Variants in DLGAP2 observed in about 807,000 individuals in gnomAD.
The protein encoded by DLGAP2 is DLG associated protein 2.
Under a neutral mutation model 100.3 loss-of-function variants are expected in DLGAP2, and 26 were observed. The ratio of observed to expected loss-of-function variants is 0.26; its 90% CI spans 0.19 to 0.36. The LOEUF is 0.36. Ranked by LOEUF, DLGAP2 falls within the 10% of genes least tolerant of loss-of-function variation. The pLI is 1.00. For missense variants in DLGAP2, 1,858 were observed against 1,453.2 expected, an observed-to-expected ratio of 1.28 and a Z score of -4.53; for synonymous variants, 886 against 630.1, an observed-to-expected ratio of 1.41 and a Z score of -6.08.
chr8:1,063,449 A>C lies in DLGAP2; in HGVS notation c.73+155483A>C, dbSNP rs532098907. The stretch of plus-strand genomic sequence containing the variant: ...TGTAACAAGTGACGGGCACCTGTGC[A>C]ATCCACAAGACGATGGTCCAGTGTG... On this transcript the variant is annotated intron_variant, in intron 2 of 14. Transcript: ENST00000637795. Among the ~76,000 whole-genome samples the C allele has an allele frequency of 2.6e-5, 4 of 151,858 alleles. No individual in the cohort carries two copies. In the East Asian group the frequency reaches 7.8e-4, roughly 30 times the overall value.
intron 2 of DLGAP2, among the ~76,000 whole-genome samples, chr8:1,201,929 CTGTG>C (rs1031333357): frequency 3.3e-5 from 5 of 151,206 alleles, no homozygotes; most frequent in East Asian, 1.9e-4. Flanking sequence ...GTATCTAGCT[CTGTG>C]TGTGATGTGT....
In DLGAP2 at chr8:1,049,122, G is replaced by A. The variant is rs935580269; in HGVS notation, c.73+141156G>A. Among the ~76,000 whole-genome samples the A allele has an allele frequency of 1.2e-4, 18 of 152,300 alleles. No homozygotes were observed. In the Middle Eastern group the frequency reaches 0.01, roughly 86 times the overall value. ...CATGGGAGGGGAAGCATCTTGTGGC[G>A]GGCACTGTCAATAATGTTTAGACGA... On this transcript the variant is annotated intron_variant, in intron 2 of 14. Coordinates refer to ENST00000637795, the MANE Select transcript of DLGAP2 (RefSeq NM_001346810.2).
chr8:1,464,551 G>T (rs1263990314), intron 3 of DLGAP2, among the ~76,000 whole-genome samples: 2 of 151,266 alleles, frequency 1.3e-5, no homozygotes, highest in Non-Finnish European at 2.9e-5. Context: ...ACCCTTCCAG[G>T]ACGACTCCCT....
chr8:1,456,687 C>T (rs983032390), intron 3 of DLGAP2, among the ~76,000 whole-genome samples: 1 of 150,850 alleles, frequency 6.6e-6, no homozygotes, highest in Non-Finnish European at 1.5e-5. Flanking sequence ...GAAGAGTTGT[C>T]TAGGATCCTT....
chr8:926,404 C>G (rs917998787), intron 2 of DLGAP2, among the ~76,000 whole-genome samples: 1 of 152,226 alleles, frequency 6.6e-6, no homozygotes, highest in African/African-American at 2.4e-5. Context: ...GGCCCTGTGG[C>G]AGGCCCTGCC....
intron 3 of DLGAP2, among the ~76,000 whole-genome samples, chr8:1,320,370 C>T (rs1426057459): frequency 3.9e-5 from 6 of 152,094 alleles, no homozygotes; most frequent in African/African-American, 1.2e-4. Flanking sequence ...TCGCATCCTA[C>T]AGATGACACT....
At chr8:1,420,673 G>T (rs553285235) in intron 3 of DLGAP2, among the ~76,000 whole-genome samples, 2 of 151,898 alleles carry the variant, frequency 1.3e-5, no homozygotes, top group East Asian at 3.9e-4. Context: ...ATTCCCTCTC[G>T]CCAAAATGCC....
At chr8:1,474,519 T>A (rs1798881637) in intron 3 of DLGAP2, among the ~76,000 whole-genome samples, 1 of 152,210 alleles carries the variant, frequency 6.6e-6, no homozygotes, top group South Asian at 2.1e-4. Context: ...GTTTCCTTTT[T>A]ATCACGTCCA....
intron 2 of DLGAP2, among the ~76,000 whole-genome samples, chr8:1,124,467 C>T (rs73526541): frequency 0.2 from 30,656 of 152,166 alleles, 3,158 homozygotes; most frequent in East Asian, 0.26. Context: ...CATTTAGCCA[C>T]CATGACTTGG....
At chr8:1,151,888 C>A (rs1435445873) in intron 2 of DLGAP2, among the ~76,000 whole-genome samples, 1 of 152,206 alleles carries the variant, frequency 6.6e-6, no homozygotes, top group Non-Finnish European at 1.5e-5. Context: ...AATTAAGGGT[C>A]CAATACCATA....
chr8:1,358,731 G>T (rs557596207), intron 3 of DLGAP2, among the ~76,000 whole-genome samples: 1 of 151,258 alleles, frequency 6.6e-6, no homozygotes, highest in East Asian at 2.0e-4. Flanking sequence ...ACCATGCTGC[G>T]CAGACAGGGG....
In DLGAP2 at chr8:1,692,627, A is replaced by C. The variant is rs186913308; in HGVS notation, c.2796+1001A>C. On this transcript the variant is annotated intron_variant, in intron 13 of 14. Transcript: ENST00000637795. ...AACAAGGGAAATTTCTATTACGTCT[A>C]ATGTCACAAATGAAGAAAATGATCT... Among the ~76,000 whole-genome samples the C allele has an allele frequency of 1.6e-3, 241 of 152,280 alleles. 2 individuals are homozygous for C. The highest frequency in any genetic ancestry group is 5.5e-3 in the African/African-American group (228 of 41,538).
intron 2 of DLGAP2, among the ~76,000 whole-genome samples, chr8:947,944 G>A (rs1374487622): frequency 7.5e-6 from 1 of 134,026 alleles, no homozygotes; most frequent in East Asian, 2.2e-4. Flanking sequence ...GGGTTCCACC[G>A]ACCCCGTGCC....
At chr8:1,194,353 C>G (rs935825) in intron 2 of DLGAP2, among the ~76,000 whole-genome samples, 77,913 of 151,646 alleles carry the variant, frequency 0.51, 21,216 homozygotes, top group Non-Finnish European at 0.6. Context: ...GCCTGGCAGA[C>G]AGTCAGTGGT....
At chr8:893,990 G>A (rs972665697) in intron 1 of DLGAP2, among the ~76,000 whole-genome samples, 1 of 152,248 alleles carries the variant, frequency 6.6e-6, no homozygotes, top group African/African-American at 2.4e-5. Context: ...AGGCTTCGAG[G>A]TCACCCAGGC....
rs190480994 is a variant in DLGAP2 at position 956,447 on chromosome 8, C to T, written c.73+48481C>T. ...GCAGGCTGGTGTGGCCAGTGAAGGCCAAATGAGAGGACCCTCTCAGCTCTG... is the reference window on the plus strand; with the variant it reads ...GCAGGCTGGTGTGGCCAGTGAAGGCTAAATGAGAGGACCCTCTCAGCTCTG... On this transcript the variant is annotated intron_variant, in intron 2 of 14. Transcript: ENST00000637795. Among the ~76,000 whole-genome samples, 740 of 152,264 alleles carry T rather than the reference C, an allele frequency of 4.9e-3. 2 individuals are homozygous for T. Among genetic ancestry groups the T allele is most frequent in the Non-Finnish European group, 8.0e-3 (544 of 68,012 alleles).
At chr8:1,183,759 T>A (rs1196036088) in intron 2 of DLGAP2, among the ~76,000 whole-genome samples, 1 of 152,214 alleles carries the variant, frequency 6.6e-6, no homozygotes, top group African/African-American at 2.4e-5. Flanking sequence ...AATGAATGTC[T>A]GCTCTTTTTG....
At chr8:975,576 G>T (rs1048184786) in intron 2 of DLGAP2, among the ~76,000 whole-genome samples, 1 of 152,178 alleles carries the variant, frequency 6.6e-6, no homozygotes, top group African/African-American at 2.4e-5. Flanking sequence ...ATCCAGGTAT[G>T]CAAGGCTGGC....
At chr8:1,202,516 A>T (rs1797901325) in intron 2 of DLGAP2, among the ~76,000 whole-genome samples, 1 of 152,288 alleles carries the variant, frequency 6.6e-6, no homozygotes, top group Non-Finnish European at 1.5e-5. Flanking sequence ...ATACAAAAAC[A>T]TGTTTTAAGG....
Sources: gnomAD v4.1 joint callset for allele counts (sites outside exome capture counted in the v4.1 genomes callset) on GRCh38, gnomAD v4.1.1 for gene constraint, MANE v1.5 for transcripts, NCBI Gene and HGNC (gene_info 2026-07-23, HGNC 2026-07-21) for gene names.